Variants in WASF2 observed in about 807,000 individuals in gnomAD.
The protein encoded by WASF2 is actin-binding protein WASF2.
A neutral mutation model predicts 45.0 loss-of-function variants in WASF2; 14 were observed. The observed-to-expected ratio is 0.31, with a 90% CI of 0.21 to 0.49. WASF2 has a LOEUF of 0.49. Among genes scored for constraint, WASF2 ranks in the 20% least tolerant of loss-of-function variants. WASF2 has a pLI of 0.99. For synonymous variants in WASF2, 200 were observed against 236.3 expected (o/e 0.85, Z 1.41); for missense variants, 439 against 636.1 (o/e 0.69, Z 3.33).
chr1:27,454,860 A>T (rs1009328152), intron 1 of WASF2, among the ~76,000 whole-genome samples: 1 of 152,094 alleles, frequency 6.6e-6, no homozygotes, highest in African/African-American at 2.4e-5. Flanking sequence ...GTTGATCGAC[A>T]TTGGGATTTT....
chr1:27,454,905 C>T (rs1324452548), intron 1 of WASF2, among the ~76,000 whole-genome samples: 1 of 152,088 alleles, frequency 6.6e-6, no homozygotes, highest in Non-Finnish European at 1.5e-5. Context: ...GTTTGTTTTG[C>T]TATTGTCAAC....
intron 1 of WASF2, among the ~76,000 whole-genome samples, chr1:27,466,574 T>C (rs2017613958): frequency 6.6e-6 from 1 of 152,172 alleles, no homozygotes; most frequent in Non-Finnish European, 1.5e-5. Context: ...GATTTAATAT[T>C]AAAAAAGGAT....
intron 1 of WASF2, among the ~76,000 whole-genome samples, chr1:27,470,393 C>G (rs1020144292): frequency 1.3e-5 from 2 of 151,776 alleles, no homozygotes; most frequent in Non-Finnish European, 2.9e-5. Flanking sequence ...ATAATCAAGG[C>G]AAAAGGTAAC....
intron 2 of WASF2, among the ~76,000 whole-genome samples, chr1:27,422,243 A>C (rs775999690): frequency 2.6e-5 from 4 of 152,160 alleles, no homozygotes; most frequent in Non-Finnish European, 4.4e-5. Context: ...GGTGGTGTGA[A>C]GGCTTCCCCA....
intron 1 of WASF2, among the ~76,000 whole-genome samples, chr1:27,481,237 G>GAGGTTGC (rs2017845735): frequency 6.6e-6 from 1 of 151,746 alleles, no homozygotes; most frequent in African/African-American, 2.4e-5. Flanking sequence ...CTGGGAGGTG[G>GAGGTTGC]AGGTTGCAGT....
chr1:27,423,141 A>AG (rs1491536711), intron 2 of WASF2, among the ~76,000 whole-genome samples: 11 of 12,598 alleles, frequency 8.7e-4, no homozygotes, highest in African/African-American at 1.0e-3. Flanking sequence ...ACTCCATCTC[A>AG]AAAAAAAAAA....
intron 1 of WASF2, among the ~76,000 whole-genome samples, chr1:27,472,076 T>C (rs1428889077): frequency 1.3e-5 from 2 of 152,086 alleles, no homozygotes; most frequent in Non-Finnish European, 2.9e-5. Flanking sequence ...CTTATGCCTG[T>C]AATCGCGGTA....
At chr1:27,409,629 A>G (rs933661688) in intron 8 of WASF2, 63 bp downstream of exon 8, 8 of 1,398,104 alleles carry the variant, frequency 5.7e-6, no homozygotes, top group African/African-American at 2.9e-5. Context: ...CCATCCCCCA[A>G]TCAGTCATCC....
rs2016805704 is a variant in WASF2 at position 27,414,763 on chromosome 1, C to T, written c.668+70G>A. 1.3e-6 allele frequency: 2 copies of T among 1,581,094 alleles called. No homozygotes were observed. The highest frequency in any genetic ancestry group is 1.8e-5 in the Admixed American group (1 of 56,282). On this transcript the variant is annotated intron_variant, in intron 6 of 8. Coordinates refer to ENST00000618852, the MANE Select transcript of WASF2 (RefSeq NM_006990.5). The surrounding 1 kb of genome is among the most constrained non-coding windows in gnomAD (Gnocchi z 4.1). The stretch of plus-strand genomic sequence containing the variant: ...TTCAGGGGGTGTGAAAGGTGTCACA[C>T]CAGAGCTGTCAGACTGTTGTCCCCA...
intron 2 of WASF2, among the ~76,000 whole-genome samples, chr1:27,422,051 A>C (rs1243094925): frequency 1.3e-5 from 2 of 151,902 alleles, no homozygotes; most frequent in Non-Finnish European, 2.9e-5. Flanking sequence ...AAAAAAAAAA[A>C]CAATCAACTT....
rs1441916996 is a variant in WASF2 at position 27,477,931 on chromosome 1, T to A, written c.-44+12055A>T. Reference sequence around the variant, plus strand: ...AAAAATAAATAAATAAAAAAAAAAATAAAAATAAATAAATCTAGGATATTA... The same window carrying A: ...AAAAATAAATAAATAAAAAAAAAAAAAAAAATAAATAAATCTAGGATATTA... On this transcript the variant is annotated intron_variant, in intron 1 of 8. Coordinates refer to ENST00000618852, the MANE Select transcript of WASF2 (RefSeq NM_006990.5). Among the ~76,000 whole-genome samples the A allele has an allele frequency of 4.4e-4, 61 of 139,434 alleles. 4 individuals are homozygous for A. The highest frequency in any genetic ancestry group is 3.9e-3 in the Middle Eastern group (1 of 258). The allele number at this position is 139,434 out of a possible 152,430, so 91.5% of individuals were successfully genotyped here. A position where few individuals can be genotyped will look rare whatever the true frequency, so the allele number is the denominator to read the frequency against.
chr1:27,463,804 ATTT>A (rs1553151290), intron 1 of WASF2, among the ~76,000 whole-genome samples: 3 of 137,182 alleles, frequency 2.2e-5, no homozygotes, highest in Admixed American at 1.5e-4. Flanking sequence ...TATTATTATT[ATTT>A]TTTTTTTTTT....
chr1:27,409,428 C>CAAAAAA (rs60940665), intron 8 of WASF2, among the ~76,000 whole-genome samples: 337 of 43,526 alleles, frequency 7.7e-3, no homozygotes, highest in African/African-American at 0.011. Context: ...CTGTCCCCCA[C>CAAAAAA]AAAAAAAAAA....
chr1:27,456,088 C>T lies in WASF2; in HGVS notation c.-43-27155G>A, dbSNP rs181258321. On this transcript the variant is annotated intron_variant, in intron 1 of 8. Coordinates refer to ENST00000618852, the MANE Select transcript of WASF2 (RefSeq NM_006990.5). ...CTGTAATCCCAGCACTTTGGGAGGCCGAGGCAGGCGGATCACGAGGTCAGA... is the reference window on the plus strand; with the variant it reads ...CTGTAATCCCAGCACTTTGGGAGGCTGAGGCAGGCGGATCACGAGGTCAGA... Among the ~76,000 whole-genome samples, 706 of 152,010 alleles carry T rather than the reference C, an allele frequency of 4.6e-3. 2 individuals are homozygous for T. Among genetic ancestry groups the T allele is most frequent in the Middle Eastern group, 0.017 (5 of 294 alleles).
intron 1 of WASF2, among the ~76,000 whole-genome samples, chr1:27,444,416 T>G (rs535935932): frequency 6.6e-6 from 1 of 152,332 alleles, no homozygotes; most frequent in African/African-American, 2.4e-5. Context: ...ATAACATATG[T>G]AAGCATTCCA....
intron 1 of WASF2, among the ~76,000 whole-genome samples, chr1:27,478,864 G>C (rs1035388824): frequency 6.6e-6 from 1 of 152,104 alleles, no homozygotes; most frequent in Non-Finnish European, 1.5e-5. Context: ...GATTACAGGC[G>C]TGAGCCACTG....
chr1:27,477,091 T>C (rs1295587423), intron 1 of WASF2, among the ~76,000 whole-genome samples: 1 of 152,112 alleles, frequency 6.6e-6, no homozygotes, highest in African/African-American at 2.4e-5. Flanking sequence ...TATTATCCTA[T>C]CCTTGTACAA....
At chr1:27,433,430 ACTC>A (rs2017092710) in intron 1 of WASF2, among the ~76,000 whole-genome samples, 1 of 152,116 alleles carries the variant, frequency 6.6e-6, no homozygotes, top group Non-Finnish European at 1.5e-5. Flanking sequence ...CTTTCATGGA[ACTC>A]CAGTTGAGAA....
intron 8 of WASF2, 120 bp downstream of exon 8, chr1:27,409,572 C>T: frequency 7.6e-7 from 1 of 1,322,150 alleles, no homozygotes; most frequent in Non-Finnish European, 9.7e-7. Context: ...AATCTCTCCC[C>T]ACCCAATGAA....
Sources: allele counts gnomAD v4.1 joint callset (sites outside exome capture counted in the v4.1 genomes callset), GRCh38; gene constraint gnomAD v4.1.1; non-coding constraint Gnocchi (gnomAD v3.1); transcripts MANE v1.5; gene names NCBI Gene and HGNC (gene_info 2026-07-23, HGNC 2026-07-21).